ME2: variants seen among roughly 807,000 people sequenced by gnomAD.
The protein encoded by ME2 is NAD-dependent malic enzyme, mitochondrial.
Under a neutral mutation model 73.7 loss-of-function variants are expected in ME2, and 60 were observed. That is an observed-to-expected ratio of 0.81 (90% confidence interval 0.66 to 1.01). The LOEUF is 1.01. Among genes scored for constraint, ME2 ranks in the 50% least tolerant of loss-of-function variants. The pLI, the probability that ME2 is intolerant of heterozygous loss-of-function variation, is 0.00. For missense variants in ME2, 594 were observed against 705.5 expected (o/e 0.84, Z 1.79); for synonymous variants, 199 against 236.9 (o/e 0.84, Z 1.47).
chr18:50,916,685 G>A (rs1349632105), intron 5 of ME2: 1 of 152,244 alleles, frequency 6.6e-6, no homozygotes, highest in Admixed American at 6.5e-5. Flanking sequence ...GCAAATATAA[G>A]CCCTGGCCTA....
At chr18:50,885,461 T>G (rs962101755) in intron 1 of ME2, among the ~76,000 whole-genome samples, 1 of 152,116 alleles carries the variant, frequency 6.6e-6, no homozygotes, top group African/African-American at 2.4e-5. Context: ...AAGACTGCAG[T>G]TAGCTGTGAT....
intron 3 of ME2, 102 bp downstream of exon 3, chr18:50,908,298 G>C: frequency 1.2e-6 from 1 of 836,096 alleles, no homozygotes; most frequent in South Asian, 2.8e-5. Flanking sequence ...TCTTATATAA[G>C]TTTGTGTTTT....
At position 50,951,410 on chromosome 18, in the gene ME2, T is replaced by A. The variant is rs2144286980; in HGVS notation, c.*4226T>A. The A allele has an allele frequency of 6.6e-6, 1 of 152,276 alleles. No individual in the cohort carries two copies. The highest frequency in any genetic ancestry group is 2.1e-4 in the South Asian group (1 of 4,824). 9.4% of individuals were successfully genotyped at this position (152,276 alleles called of 1,614,324 possible). A position where few individuals can be genotyped will look rare whatever the true frequency, so the allele number is the denominator to read the frequency against. On this transcript the variant is annotated 3_prime_UTR_variant, in exon 16 of 16. Transcript: ENST00000321341. ...AAAATACTTCAAATGCTCCCATAGT[T>A]TTTTTTCCTCAAGCCCAGTCAGTAT...
intron 1 of ME2, among the ~76,000 whole-genome samples, chr18:50,883,383 G>A (rs1916370948): frequency 1.3e-5 from 2 of 152,216 alleles, no homozygotes. Context: ...TAGGGGGCCA[G>A]GGAGAATAGT....
intron 1 of ME2, among the ~76,000 whole-genome samples, chr18:50,894,534 C>T (rs1177117245): frequency 7.4e-5 from 11 of 147,770 alleles, no homozygotes; most frequent in African/African-American, 1.8e-4. Context: ...CGCCGTTGCA[C>T]TCCAGCCTGG....
chr18:50,917,529 C>T, intron 6 of ME2, 21 bp downstream of exon 6: 2 of 1,501,438 alleles, frequency 1.3e-6, no homozygotes, highest in Non-Finnish European at 1.8e-6. Context: ...TCATTTTCCC[C>T]CTTTATCTTC....
chr18:50,939,582 C>G lies in ME2; in HGVS notation c.1430C>G (p.Ala477Gly). The G allele has an allele frequency of 6.2e-7, 1 of 1,610,788 alleles. No homozygotes were observed. The highest frequency in any genetic ancestry group is 1.1e-5 in the South Asian group (1 of 90,976). Residue 477 changes from alanine to glycine, a missense_variant, in exon 14 of 16, where the codon GCT becomes GGT. Transcript: ENST00000321341. The stretch of plus-strand genomic sequence containing the variant: ...AAATGTGTTCTAGGTGTGGCTTTAG[C>G]TGTTATTCTCTGTAACACCCGGCAT... ...NVYIFPGVAL[A>G]VILCNTRHIS...
chr18:50,938,583 C>T (rs905602780), intron 13 of ME2, among the ~76,000 whole-genome samples: 1 of 152,090 alleles, frequency 6.6e-6, no homozygotes, highest in African/African-American at 2.4e-5. Flanking sequence ...TATATATCTC[C>T]CATGCACTGT....
chr18:50,893,603 C>T (rs1916662243), intron 1 of ME2, among the ~76,000 whole-genome samples: 1 of 152,140 alleles, frequency 6.6e-6, no homozygotes, highest in Admixed American at 6.5e-5. Context: ...ATTTTTCTGT[C>T]TTACTGTCTT....
chr18:50,947,057 A>T lies in ME2; in HGVS notation c.1628A>T (p.Tyr543Phe), dbSNP rs772567056. The change falls in exon 16 of 16, where the codon TAC becomes TTC. Residue 543 changes from tyrosine to phenylalanine, a missense_variant. Transcript: ENST00000321341. ...TATGCTAATAAAATGGCTTTCCGATACCCAGAACCTGAAGACAAGGCCAAA... is the reference window on the plus strand; with the variant it reads ...TATGCTAATAAAATGGCTTTCCGATTCCCAGAACCTGAAGACAAGGCCAAA... ...YLYANKMAFR[Y>F]PEPEDKAKYV... 1 of 1,613,812 alleles carries T rather than the reference A, an allele frequency of 6.2e-7. No homozygotes were observed. The highest frequency in any genetic ancestry group is 8.5e-7 in the Non-Finnish European group (1 of 1,179,744).
At chr18:50,932,757 G>A (rs1036020601) in intron 13 of ME2, 1 of 155,198 alleles carries the variant, frequency 6.4e-6, no homozygotes, top group Admixed American at 6.5e-5. Flanking sequence ...CCAGGTTCAA[G>A]CAGTTCCCCT....
chr18:50,944,652 T>C (rs1342019223), intron 15 of ME2, among the ~76,000 whole-genome samples: 1 of 152,220 alleles, frequency 6.6e-6, no homozygotes, highest in African/African-American at 2.4e-5. Context: ...GCCCCCCTTA[T>C]GTCTAAAGCT....
At chr18:50,888,533 A>T (rs1916533768) in intron 1 of ME2, among the ~76,000 whole-genome samples, 1 of 152,090 alleles carries the variant, frequency 6.6e-6, no homozygotes, top group African/African-American at 2.4e-5. Context: ...AAGCTGAGTG[A>T]TATTGGACAT....
At chr18:50,943,958 G>A (rs887121516) in intron 15 of ME2, among the ~76,000 whole-genome samples, 6 of 152,210 alleles carry the variant, frequency 3.9e-5, no homozygotes, top group Admixed American at 3.3e-4. Flanking sequence ...GCTCACTCCT[G>A]TAATCACAGC....
At chr18:50,887,756 A>G (rs951826951) in intron 1 of ME2, among the ~76,000 whole-genome samples, 2 of 152,244 alleles carry the variant, frequency 1.3e-5, no homozygotes, top group Admixed American at 6.5e-5. Context: ...GGTTTCCACA[A>G]CACACAACGT....
In ME2 at chr18:50,953,023, C is replaced by A. The variant is rs558709363; in HGVS notation, c.*5839C>A. ...CTCAAACCCCTCTCAGTGAAGAAAG[C>A]CTTCTGTGTAGGCAATTTCATCTAA... On this transcript the variant is annotated 3_prime_UTR_variant, in exon 16 of 16. Transcript: ENST00000321341. 1 of 152,014 alleles carries A rather than the reference C, an allele frequency of 6.6e-6. No homozygotes were observed. The allele number at this position is 152,014 out of a possible 1,614,324, so 9.4% of individuals were successfully genotyped here.
chr18:50,888,082 C>A (rs1916517673), intron 1 of ME2, among the ~76,000 whole-genome samples: 1 of 152,154 alleles, frequency 6.6e-6, no homozygotes, highest in Non-Finnish European at 1.5e-5. Context: ...TGGCTCACGC[C>A]TGTAATCATA....
chr18:50,939,157 A>T, intron 13 of ME2: 1 of 150,994 alleles, frequency 6.6e-6, no homozygotes, highest in Non-Finnish European at 1.5e-5. Context: ...AAAAAGAGAG[A>T]GAGAGAGAAA....
intron 3 of ME2, among the ~76,000 whole-genome samples, chr18:50,909,252 C>T (rs574595338): frequency 1.3e-5 from 2 of 152,356 alleles, no homozygotes; most frequent in South Asian, 4.1e-4. Context: ...GCTTGAGCCA[C>T]TGCACCAGGC....
Sources: allele counts gnomAD v4.1 joint callset (sites outside exome capture counted in the v4.1 genomes callset), GRCh38; gene constraint gnomAD v4.1.1; transcripts MANE v1.5; gene names NCBI Gene and HGNC (gene_info 2026-07-23, HGNC 2026-07-21).